IL1RAPL1: variants seen among roughly 807,000 people sequenced by gnomAD.
IL1RAPL1 encodes interleukin 1 receptor accessory protein like 1.
IL1RAPL1 carries 3 observed loss-of-function variants against 48.4 expected under a neutral mutation model. That is an observed-to-expected ratio of 0.06 (90% CI 0.03 to 0.16). IL1RAPL1 has a LOEUF of 0.16. IL1RAPL1 is among the 10% of genes least tolerant of loss of function. The pLI, the probability that IL1RAPL1 is intolerant of heterozygous loss-of-function variation, is 1.00. For synonymous variants in IL1RAPL1, 185 were observed against 187.7 expected (o/e 0.99, Z 0.12); for missense variants, 349 against 530.6 (o/e 0.66, Z 3.36).
At chrX:29,028,815 G>A (rs1303065715) in intron 2 of IL1RAPL1, among the ~76,000 whole-genome samples, 1 of 111,176 alleles carries the variant, frequency 9.0e-6, no homozygotes, top group Non-Finnish European at 1.9e-5. Context: ...AGGTAAGCCT[G>A]GATCTTAGAG....
At chrX:29,518,450 G>A (rs931099126) in intron 5 of IL1RAPL1, among the ~76,000 whole-genome samples, 6 of 110,680 alleles carry the variant, frequency 5.4e-5, no homozygotes, top group Non-Finnish European at 9.4e-5. Context: ...GGTGGGGGTC[G>A]AGCGTGGAGA....
At chrX:29,094,590 T>A (rs1928163729) in intron 2 of IL1RAPL1, among the ~76,000 whole-genome samples, 1 of 69,967 alleles carries the variant, frequency 1.4e-5, no homozygotes, top group African/African-American at 5.3e-5. Flanking sequence ...AAACTCTATC[T>A]CTACTTAAAA....
At chrX:29,702,205 G>C (rs1173927966) in intron 6 of IL1RAPL1, among the ~76,000 whole-genome samples, 2 of 106,325 alleles carry the variant, frequency 1.9e-5, no homozygotes, top group African/African-American at 6.9e-5. Context: ...AGTGAGCCGA[G>C]ATTGCGCCAC....
chrX:29,617,994 C>T (rs761609572), intron 5 of IL1RAPL1, among the ~76,000 whole-genome samples: 2 of 111,733 alleles, frequency 1.8e-5, no homozygotes, highest in Non-Finnish European at 1.9e-5. Flanking sequence ...CTACCCGGAG[C>T]CTAGGAAGAG....
chrX:29,778,035 A>G (rs1409152933), intron 6 of IL1RAPL1, among the ~76,000 whole-genome samples: 1 of 110,662 alleles, frequency 9.0e-6, no homozygotes, highest in African/African-American at 3.3e-5. Context: ...CTTTTATACT[A>G]TTGCATTTTA....
At chrX:29,379,548 CTG>C (rs1457004082) in intron 3 of IL1RAPL1, among the ~76,000 whole-genome samples, 1 of 111,915 alleles carries the variant, frequency 8.9e-6, no homozygotes, top group African/African-American at 3.2e-5. Flanking sequence ...GCTCAAATGT[CTG>C]TGGGGGACAT....
At chrX:29,362,982 C>T (rs773005745) in intron 3 of IL1RAPL1, among the ~76,000 whole-genome samples, 1 of 111,629 alleles carries the variant, frequency 9.0e-6, no homozygotes, top group East Asian at 2.8e-4. Flanking sequence ...GAAATATCTT[C>T]ATTTTACAGA....
intron 6 of IL1RAPL1, among the ~76,000 whole-genome samples, chrX:29,677,741 G>C (rs1024918578): frequency 1.8e-5 from 2 of 111,939 alleles, no homozygotes. Flanking sequence ...CCTCCTCTGA[G>C]GAAATATTAC....
intron 3 of IL1RAPL1, among the ~76,000 whole-genome samples, chrX:29,386,552 T>G (rs761132867): frequency 9.2e-6 from 1 of 108,109 alleles, no homozygotes; most frequent in African/African-American, 3.4e-5. Context: ...GATTTTTTTT[T>G]TTTTTTTTTG....
chrX:29,864,881 C>G (rs1441922072), intron 6 of IL1RAPL1, among the ~76,000 whole-genome samples: 1 of 111,751 alleles, frequency 8.9e-6, no homozygotes, highest in Non-Finnish European at 1.9e-5. Context: ...AATCTAGAAG[C>G]AAAATTCCTA....
Position 29,889,281 on chromosome X carries a change from C to T in IL1RAPL1, c.779-28183C>T, listed in dbSNP as rs759117871. Among the ~76,000 whole-genome samples the T allele has an allele frequency of 2.7e-5, 3 of 111,530 alleles. No homozygotes were observed. The South Asian group carries it at 1.1e-3, about 41-fold the overall frequency. On this transcript the variant is annotated intron_variant, in intron 6 of 10. Transcript: ENST00000378993. ...CTGCTGATTGGAATACTTTTGGTAT[C>T]GAGTTTAATATCTGACACAAACTTT...
intron 6 of IL1RAPL1, among the ~76,000 whole-genome samples, chrX:29,912,052 A>G (rs1384761682): frequency 1.8e-5 from 2 of 112,371 alleles, no homozygotes; most frequent in South Asian, 3.6e-4. Context: ...AGTTTTGAGT[A>G]TCTATTATTT....
chrX:28,979,647 T>G (rs1348932657), intron 2 of IL1RAPL1, among the ~76,000 whole-genome samples: 1 of 111,485 alleles, frequency 9.0e-6, no homozygotes, highest in African/African-American at 3.3e-5. Context: ...AAATCAGCAG[T>G]CCTAAAACAA....
chrX:29,675,660 G>A (rs747078254), intron 6 of IL1RAPL1, among the ~76,000 whole-genome samples: 5 of 111,297 alleles, frequency 4.5e-5, no homozygotes, highest in Admixed American at 3.8e-4. Flanking sequence ...GCGCCATCTC[G>A]GCTCACTGCA....
chrX:29,941,829 T>C, intron 9 of IL1RAPL1, 35 bp downstream of exon 9: 1 of 1,179,722 alleles, frequency 8.5e-7, no homozygotes, highest in Non-Finnish European at 1.2e-6. Context: ...TCTTTCTGAA[T>C]GTTCTAATTT....
intron 1 of IL1RAPL1, among the ~76,000 whole-genome samples, chrX:28,633,900 T>G (rs1934429054): frequency 8.9e-6 from 1 of 112,188 alleles, no homozygotes; most frequent in African/African-American, 3.2e-5. Context: ...TGCAATGTTA[T>G]TTTAATGACC....
chrX:29,464,889 T>C (rs1235075581), intron 5 of IL1RAPL1, among the ~76,000 whole-genome samples: 2 of 110,986 alleles, frequency 1.8e-5, no homozygotes, highest in African/African-American at 6.6e-5. Flanking sequence ...TGAGGACATA[T>C]GGATAAAAAG....
chrX:28,993,397 G>T (rs1319742970), intron 2 of IL1RAPL1, among the ~76,000 whole-genome samples: 1 of 111,777 alleles, frequency 8.9e-6, no homozygotes, highest in Non-Finnish European at 1.9e-5. Flanking sequence ...GAGACATGAT[G>T]GTGGCTGGCA....
At chrX:28,860,737 C>T (rs1182995523) in intron 2 of IL1RAPL1, among the ~76,000 whole-genome samples, 2 of 111,349 alleles carry the variant, frequency 1.8e-5, no homozygotes, top group South Asian at 3.8e-4. Context: ...GCTGGGATTA[C>T]ATGCATGAGC....
Sources: allele counts gnomAD v4.1 joint callset (sites outside exome capture counted in the v4.1 genomes callset), GRCh38; gene constraint gnomAD v4.1.1; transcripts MANE v1.5; gene names NCBI Gene and HGNC (gene_info 2026-07-23, HGNC 2026-07-21).